SND1: variants seen among roughly 807,000 people sequenced by gnomAD.
The protein encoded by SND1 is staphylococcal nuclease domain-containing protein 1.
In SND1, 38 loss-of-function variants were observed where a neutral mutation model predicts 121.7. That is an observed-to-expected ratio of 0.31 (90% CI 0.24 to 0.41). The LOEUF (loss-of-function observed/expected upper bound fraction) is 0.41. Ranked by LOEUF, SND1 falls within the 10% of genes least tolerant of loss-of-function variation. The pLI is 1.00. For synonymous variants in SND1, 401 were observed against 447.4 expected (o/e 0.90, Z 1.31); for missense variants, 868 against 1,184.6 (o/e 0.73, Z 3.92).
chr7:127,816,356 G>C (rs1166713717), intron 11 of SND1, among the ~76,000 whole-genome samples: 2 of 152,140 alleles, frequency 1.3e-5, no homozygotes, highest in Non-Finnish European at 2.9e-5. Context: ...CTTTTACATA[G>C]AGCATTATGT....
chr7:127,735,867 T>TC (rs921184013), intron 10 of SND1, among the ~76,000 whole-genome samples: 4 of 152,090 alleles, frequency 2.6e-5, no homozygotes, highest in African/African-American at 7.2e-5. Context: ...CCTCAGGTGA[T>TC]CCCCCGCCCG....
intron 12 of SND1, among the ~76,000 whole-genome samples, chr7:127,871,267 T>C (rs563309277): frequency 6.6e-6 from 1 of 152,320 alleles, no homozygotes; most frequent in East Asian, 1.9e-4. Flanking sequence ...ATAACAATAA[T>C]AAGTATGATA....
chr7:127,721,280 C>T lies in SND1; in HGVS notation c.1039-7C>T, dbSNP rs369738300. Reference sequence around the variant, plus strand: ...GCAGGTTTAAGCATGTTCCTTTTTGCTCACAGGTGATGCAGGTTCTGAATG... The same window carrying T: ...GCAGGTTTAAGCATGTTCCTTTTTGTTCACAGGTGATGCAGGTTCTGAATG... On this transcript the variant is annotated splice_region_variant and splice_polypyrimidine_tract_variant and intron_variant, in intron 9 of 23. Coordinates refer to ENST00000354725, the MANE Select transcript of SND1 (RefSeq NM_014390.4). 1.2e-5 allele frequency: 19 copies of T among 1,608,804 alleles called. No individual in the cohort carries two copies. The highest frequency in any genetic ancestry group is 5.4e-5 in the African/African-American group (4 of 74,638).
intron 14 of SND1, among the ~76,000 whole-genome samples, chr7:127,908,668 A>G (rs1272262903): frequency 6.6e-6 from 1 of 152,154 alleles, no homozygotes; most frequent in African/African-American, 2.4e-5. Context: ...CTGACTTCAT[A>G]CATACATGTT....
At chr7:127,766,639 G>A (rs1348338322) in intron 10 of SND1, among the ~76,000 whole-genome samples, 1 of 151,534 alleles carries the variant, frequency 6.6e-6, no homozygotes, top group East Asian at 1.9e-4. Context: ...GCCGGGCGTG[G>A]TGGCGGGCAC....
intron 12 of SND1, among the ~76,000 whole-genome samples, chr7:127,849,462 A>C (rs1318996174): frequency 1.3e-5 from 2 of 152,224 alleles, no homozygotes; most frequent in Non-Finnish European, 2.9e-5. Flanking sequence ...AGAAAGGGAC[A>C]TCTACAAAAT....
rs553947462 is a variant in SND1 at position 127,676,551 on chromosome 7, A to G, written c.79-10062A>G. On this transcript the variant is annotated intron_variant, in intron 1 of 23. Transcript: ENST00000354725. The stretch of plus-strand genomic sequence containing the variant: ...GACAGTTTGTCAAGTATGAAGTTCA[A>G]TACAAACTTAAGAGATGATACTTAC... Among the ~76,000 whole-genome samples the G allele has an allele frequency of 5.3e-5, 8 of 152,336 alleles. No homozygotes were observed. In the East Asian group the frequency reaches 1.3e-3, roughly 26 times the overall value.
intron 10 of SND1, among the ~76,000 whole-genome samples, chr7:127,722,317 T>A (rs1283992609): frequency 6.6e-6 from 1 of 151,784 alleles, no homozygotes; most frequent in Non-Finnish European, 1.5e-5. Context: ...CTTTTTTTTT[T>A]TTTTTTAAGA....
chr7:127,753,680 G>C (rs965704420), intron 10 of SND1, among the ~76,000 whole-genome samples: 1 of 152,150 alleles, frequency 6.6e-6, no homozygotes, highest in Non-Finnish European at 1.5e-5. Flanking sequence ...ACAAAGTAAG[G>C]TAGAGCAGTC....
chr7:127,778,775 G>T (rs1797667178), intron 10 of SND1, among the ~76,000 whole-genome samples: 1 of 152,066 alleles, frequency 6.6e-6, no homozygotes, highest in Non-Finnish European at 1.5e-5. Flanking sequence ...GTGGTTATTA[G>T]TGTCACTCAG....
chr7:127,785,825 T>C (rs1236172405), intron 10 of SND1, among the ~76,000 whole-genome samples: 3 of 152,250 alleles, frequency 2.0e-5, no homozygotes, highest in Non-Finnish European at 4.4e-5. Context: ...ATTACCTGAT[T>C]CTTGGCACAG....
At chr7:127,890,632 A>T (rs1373957624) in intron 13 of SND1, among the ~76,000 whole-genome samples, 1 of 152,138 alleles carries the variant, frequency 6.6e-6, no homozygotes, top group Admixed American at 6.6e-5. Flanking sequence ...GCATGGAAAT[A>T]ATTTGCAGGG....
At chr7:127,682,503 G>GT (rs1170400368) in intron 1 of SND1, among the ~76,000 whole-genome samples, 1 of 152,306 alleles carries the variant, frequency 6.6e-6, no homozygotes, top group Non-Finnish European at 1.5e-5. Flanking sequence ...TTTCTAGAAT[G>GT]TCAGTTTATT....
intron 1 of SND1, among the ~76,000 whole-genome samples, chr7:127,654,760 A>G (rs1374352439): frequency 6.6e-6 from 1 of 152,174 alleles, no homozygotes; most frequent in East Asian, 1.9e-4. Flanking sequence ...ACCACACTAC[A>G]GGGGTTGGGT....
intron 9 of SND1, among the ~76,000 whole-genome samples, chr7:127,714,049 T>C (rs1015751188): frequency 6.6e-6 from 1 of 151,472 alleles, no homozygotes; most frequent in Non-Finnish European, 1.5e-5. Context: ...CCTTGGGCAT[T>C]GCAGATTTCA....
intron 15 of SND1, among the ~76,000 whole-genome samples, chr7:127,986,089 G>GAGTCCTGAGACTT (rs1802382287): frequency 6.6e-6 from 1 of 152,156 alleles, no homozygotes; most frequent in Non-Finnish European, 1.5e-5. Context: ...AACACATTCT[G>GAGTCCTGAGACTT]AGTCCTGAGA....
At chr7:127,821,993 T>G (rs1798557394) in intron 11 of SND1, among the ~76,000 whole-genome samples, 2 of 152,224 alleles carry the variant, frequency 1.3e-5, no homozygotes, top group South Asian at 4.1e-4. Flanking sequence ...CAATATCATT[T>G]TAAGGTTTTT....
At chr7:127,701,765 A>G (rs1468341150) in intron 5 of SND1, among the ~76,000 whole-genome samples, 5 of 152,182 alleles carry the variant, frequency 3.3e-5, no homozygotes, top group Non-Finnish European at 7.3e-5. Flanking sequence ...AGTCCTTTAT[A>G]TAAAATGGTG....
At chr7:127,931,776 A>G (rs1283464476) in intron 15 of SND1, among the ~76,000 whole-genome samples, 4 of 152,346 alleles carry the variant, frequency 2.6e-5, no homozygotes, top group Admixed American at 2.0e-4. Flanking sequence ...CTTAAGAATG[A>G]TGCTAAATCT....
Sources: allele counts gnomAD v4.1 joint callset (sites outside exome capture counted in the v4.1 genomes callset), GRCh38; gene constraint gnomAD v4.1.1; transcripts MANE v1.5; gene names NCBI Gene and HGNC (gene_info 2026-07-23, HGNC 2026-07-21).